XPO1: variants seen among roughly 807,000 people sequenced by gnomAD.
XPO1 encodes exportin-1.
A neutral mutation model predicts 133.3 loss-of-function variants in XPO1; 5 were observed. The ratio of observed to expected loss-of-function variants is 0.04; its 90% CI spans 0.02 to 0.08. The LOEUF (loss-of-function observed/expected upper bound fraction) is 0.08, where lower values mean the gene tolerates loss of function less well. Among genes scored for constraint, XPO1 ranks in the 10% least tolerant of loss-of-function variants. The probability of loss-of-function intolerance (pLI) is 1.00; values close to 1 mark genes in which losing one functional copy is unlikely to be tolerated. For synonymous variants in XPO1, 419 were observed against 408.2 expected, an observed-to-expected ratio of 1.03 and a Z score of -0.32; for missense variants, 506 against 1,267.5, an observed-to-expected ratio of 0.40 and a Z score of 9.12.
intron 2 of XPO1, 139 bp from the exon 3 acceptor site, chr2:61,526,660 T>C: frequency 1.6e-6 from 1 of 615,846 alleles, no homozygotes; most frequent in Non-Finnish European, 2.5e-6. Context: ...ACTCAAAAAT[T>C]AGACCTTACA....
intron 4 of XPO1, among the ~76,000 whole-genome samples, chr2:61,521,013 G>A (rs953310893): frequency 2.0e-5 from 3 of 152,168 alleles, no homozygotes; most frequent in African/African-American, 7.2e-5. Context: ...TAGTCAAATT[G>A]TGCTTATTAA....
At chr2:61,491,441 A>G (rs890695738) in intron 16 of XPO1, among the ~76,000 whole-genome samples, 12 of 146,166 alleles carry the variant, frequency 8.2e-5, no homozygotes, top group Non-Finnish European at 7.5e-5. Flanking sequence ...ACAGAGTGAA[A>G]CTCCATCTCA....
chr2:61,503,818 T>C (rs1697665270), intron 4 of XPO1, among the ~76,000 whole-genome samples: 2 of 152,156 alleles, frequency 1.3e-5, no homozygotes, highest in Non-Finnish European at 2.9e-5. Flanking sequence ...CCACCTGCCT[T>C]GGCCTCCCAG....
chr2:61,489,771 G>T (rs1463755535), intron 17 of XPO1, among the ~76,000 whole-genome samples: 1 of 151,916 alleles, frequency 6.6e-6, no homozygotes, highest in East Asian at 1.9e-4. Flanking sequence ...AGCCATGATG[G>T]TCTCGATCCC....
intron 3 of XPO1, among the ~76,000 whole-genome samples, chr2:61,524,343 T>C (rs1315314559): frequency 6.6e-6 from 1 of 152,198 alleles, no homozygotes; most frequent in Non-Finnish European, 1.5e-5. Context: ...AAAGACACTG[T>C]CCTTTCTTTT....
At chr2:61,526,637 G>A (rs1475674552) in intron 2 of XPO1, 116 bp from the exon 3 acceptor site, 6 of 719,400 alleles carry the variant, frequency 8.3e-6, no homozygotes, top group Middle Eastern at 4.2e-4. Flanking sequence ...TTCTATTATT[G>A]ATGTTCAGAA....
chr2:61,514,350 T>A (rs1033842754), intron 4 of XPO1, among the ~76,000 whole-genome samples: 14 of 151,896 alleles, frequency 9.2e-5, no homozygotes, highest in African/African-American at 3.4e-4. Context: ...CCCAGCACTT[T>A]GGGAGGCTGA....
At chr2:61,514,890 T>TA (rs1421216403) in intron 4 of XPO1, among the ~76,000 whole-genome samples, 15 of 151,822 alleles carry the variant, frequency 9.9e-5, no homozygotes, top group Middle Eastern at 3.4e-3. Context: ...GCCAGGCCAA[T>TA]ATGGCGAAAC....
intron 2 of XPO1, among the ~76,000 whole-genome samples, chr2:61,531,597 G>A (rs1358028633): frequency 2.0e-5 from 3 of 152,198 alleles, no homozygotes; most frequent in African/African-American, 7.2e-5. Flanking sequence ...AGATTAAACA[G>A]TATTAGTAGC....
chr2:61,510,170 T>C (rs1171268817), intron 4 of XPO1, among the ~76,000 whole-genome samples: 1 of 152,056 alleles, frequency 6.6e-6, no homozygotes, highest in Non-Finnish European at 1.5e-5. Flanking sequence ...CCAGCTACTC[T>C]GGAGGCTGAG....
chr2:61,493,979 G>C lies in XPO1; in HGVS notation c.1160C>G (p.Ser387Cys), dbSNP rs1697119592. ...AGAAAGCAACGGAGAGGCAGATGTAGAGAATGGACTCTCTCTATAGAGTTC... is the reference window on the plus strand; with the variant it reads ...AGAAAGCAACGGAGAGGCAGATGTACAGAATGGACTCTCTCTATAGAGTTC... ...AAELYRESPF[S>C]TSASPLLSGS... is the part of the protein sequence containing the mutation. The change falls in exon 12 of 25, where the codon TCT (serine) becomes TGT (cysteine). Residue 387 changes from serine to cysteine, a missense_variant. This residue lies in a region of XPO1 where 134 missense variants were observed against 261.6 expected (regional missense o/e 0.51). Transcript: ENST00000401558. 1.2e-6 allele frequency: 2 copies of C among 1,613,976 alleles called. No individual in the cohort carries two copies. The highest frequency in any genetic ancestry group is 1.7e-6 in the Non-Finnish European group (2 of 1,180,022).
chr2:61,519,779 T>C (rs1464177074), intron 4 of XPO1, among the ~76,000 whole-genome samples: 1 of 148,846 alleles, frequency 6.7e-6, no homozygotes, highest in Non-Finnish European at 1.5e-5. Context: ...ATAAAACAAA[T>C]TCTACATCAG....
At chr2:61,535,708 A>G (rs1573237949) in intron 1 of XPO1, among the ~76,000 whole-genome samples, 1 of 152,360 alleles carries the variant, frequency 6.6e-6, no homozygotes, top group Non-Finnish European at 1.5e-5. Context: ...GAATTGGTCC[A>G]TTATTGACAA....
At chr2:61,535,875 A>C (rs1022721392) in intron 1 of XPO1, among the ~76,000 whole-genome samples, 3 of 152,232 alleles carry the variant, frequency 2.0e-5, no homozygotes, top group African/African-American at 7.2e-5. Flanking sequence ...TCCACCTTCA[A>C]GTACCATAAA....
In XPO1 at chr2:61,495,642, C is replaced by T. The variant is rs750228023; in HGVS notation, c.889-29G>A. ...CAAATTTTAAAAGGGACGATCAGTTCGCATTTTATAAAACAACTAAAGACA... is the reference window on the plus strand; with the variant it reads ...CAAATTTTAAAAGGGACGATCAGTTTGCATTTTATAAAACAACTAAAGACA... On this transcript the variant is annotated intron_variant, in intron 10 of 24. Coordinates refer to ENST00000401558, the MANE Select transcript of XPO1 (RefSeq NM_003400.4). 9.9e-6 allele frequency: 15 copies of T among 1,522,136 alleles called. No individual in the cohort carries two copies. The East Asian group carries it at 1.2e-4, about 12-fold the overall frequency. 94.3% of individuals were successfully genotyped at this position (1,522,136 alleles called of 1,614,324 possible). A position where few individuals can be genotyped will look rare whatever the true frequency, so the allele number is the denominator to read the frequency against.
Position 61,497,017 on chromosome 2 carries a change from A to AG in XPO1, c.760-11dup, listed in dbSNP as rs772071701. 3.1e-6 allele frequency: 5 copies of AG among 1,600,418 alleles called. No homozygotes were observed. The highest frequency in any genetic ancestry group is 2.2e-5 in the East Asian group (1 of 44,614). On this transcript the variant is annotated splice_polypyrimidine_tract_variant and intron_variant, in intron 9 of 24. Coordinates refer to ENST00000401558, the MANE Select transcript of XPO1 (RefSeq NM_003400.4). ...TTGGAACATTCAGGAACTATTTAAA[A>AG]GGGGGGAGGGAACCATAAAATTAAT...
intron 9 of XPO1, among the ~76,000 whole-genome samples, chr2:61,497,273 C>T (rs540927105): frequency 1.6e-4 from 25 of 152,090 alleles, no homozygotes; most frequent in Non-Finnish European, 3.5e-4. Flanking sequence ...AATGCAGGGG[C>T]TTGATCTCGG....
chr2:61,479,864 CTT>C (rs1696250303), intron 24 of XPO1, among the ~76,000 whole-genome samples: 1 of 150,354 alleles, frequency 6.7e-6, no homozygotes, highest in Non-Finnish European at 1.5e-5. Context: ...CACCCAGACA[CTT>C]TTTTCTCTTT....
In XPO1 at chr2:61,483,000, G is replaced by A. The variant is rs1341658500; in HGVS notation, c.2769C>T (p.Leu923=). 4 of 1,613,616 alleles carry A rather than the reference G, an allele frequency of 2.5e-6. No homozygotes were observed. Among genetic ancestry groups the A allele is most frequent in the Non-Finnish European group, 3.4e-6 (4 of 1,179,924 alleles). The part of the protein sequence containing the change: ...SFYQTYFCDI[L]QHIFSVVTDT... ...CTGTCACAACAGAAAAGATATGCTG[G>A]AGAATATCACAAAAATAAGTTTGAT... Residue 923 remains leucine, a synonymous_variant, in exon 22 of 25, where the codon CTC becomes CTT. Transcript: ENST00000401558.
Sources: gnomAD v4.1 joint callset for allele counts (sites outside exome capture counted in the v4.1 genomes callset) on GRCh38, gnomAD v4.1.1 for gene constraint, gnomAD v4.1.1 regional missense constraint, MANE v1.5 for transcripts, NCBI Gene and HGNC (gene_info 2026-07-23, HGNC 2026-07-21) for gene names.